The following HSCB variants were observed in gnomAD, a reference collection of about 807,000 sequenced individuals.
HSCB encodes HscB mitochondrial iron-sulfur cluster cochaperone.
A neutral mutation model predicts 31.3 loss-of-function variants in HSCB; 23 were observed. The observed-to-expected ratio is 0.74, with a 90% CI of 0.53 to 1.04. HSCB has a LOEUF of 1.04. Ranked by LOEUF, HSCB falls within the 50% of genes least tolerant of loss-of-function variation. The probability of loss-of-function intolerance (pLI) is 0.00; values close to 1 mark genes in which losing one functional copy is unlikely to be tolerated. For missense variants in HSCB, 297 were observed against 288.1 expected (o/e 1.03, Z -0.22); for synonymous variants, 110 against 104.5 (o/e 1.05, Z -0.32).
At chr22:28,749,617 A>G (rs2030082864) in intron 4 of HSCB, among the ~76,000 whole-genome samples, 1 of 152,176 alleles carries the variant, frequency 6.6e-6, no homozygotes. Flanking sequence ...GGAACTTGGT[A>G]TTTACTAAAT....
chr22:28,746,615 G>A (rs757127076), intron 4 of HSCB, among the ~76,000 whole-genome samples: 1 of 150,852 alleles, frequency 6.6e-6, no homozygotes, highest in Non-Finnish European at 1.5e-5. Flanking sequence ...TCAGCCAAGC[G>A]TAGGCCAGGT....
chr22:28,754,301 G>C (rs1410283158), intron 5 of HSCB, among the ~76,000 whole-genome samples: 1 of 152,150 alleles, frequency 6.6e-6, no homozygotes, highest in Non-Finnish European at 1.5e-5. Context: ...GGTGGTTGTG[G>C]GGGGATAGAG....
At chr22:28,750,144 G>A (rs2030112129) in intron 4 of HSCB, among the ~76,000 whole-genome samples, 1 of 149,560 alleles carries the variant, frequency 6.7e-6, no homozygotes, top group African/African-American at 2.5e-5. Flanking sequence ...AGCAACTTCA[G>A]AGGCTGAGGC....
intron 1 of HSCB, chr22:28,742,552 A>C: frequency 3.1e-6 from 2 of 653,086 alleles, no homozygotes; most frequent in Non-Finnish European, 2.4e-6. Context: ...AGGGAGACGA[A>C]CGGGACTGGA....
chr22:28,748,774 C>A (rs1004233409), intron 4 of HSCB, among the ~76,000 whole-genome samples: 7 of 152,106 alleles, frequency 4.6e-5, no homozygotes, highest in Non-Finnish European at 1.0e-4. Context: ...ATCTCAGCCT[C>A]CCAAAGTGCT....
intron 5 of HSCB, among the ~76,000 whole-genome samples, chr22:28,752,215 G>A (rs571289881): frequency 2.8e-4 from 42 of 151,918 alleles, no homozygotes; most frequent in Admixed American, 1.0e-3. Context: ...AGGCCGAGGC[G>A]GGTGGATCAA....
At position 28,743,987 on chromosome 22, in the gene HSCB, T is replaced by A; in HGVS notation, c.333+9T>A. ...TCAGCCAGAGGTCTCAGGTAGCTTA[T>A]TGGCCAACCCCAATAATCCCCAAAT... On this transcript the variant is annotated intron_variant, in intron 2 of 5. Coordinates refer to ENST00000216027, the MANE Select transcript of HSCB (RefSeq NM_172002.5). The A allele has an allele frequency of 2.5e-6, 4 of 1,599,058 alleles. No homozygotes were observed. The highest frequency in any genetic ancestry group is 3.4e-6 in the Non-Finnish European group (4 of 1,166,250).
intron 5 of HSCB, among the ~76,000 whole-genome samples, chr22:28,755,338 A>G (rs960328321): frequency 6.6e-6 from 1 of 151,806 alleles, no homozygotes; most frequent in African/African-American, 2.4e-5. Context: ...TGAACCGGGG[A>G]GGCAGAGTTT....
At chr22:28,742,381 G>A (rs963869425) in intron 1 of HSCB, 50 bp downstream of exon 1, 92 of 1,596,574 alleles carry the variant, frequency 5.8e-5, no homozygotes, top group East Asian at 1.1e-4. Flanking sequence ...ACACGTCGAG[G>A]TCTGGCCTGC....
chr22:28,748,512 G>T (rs4822987), intron 4 of HSCB, among the ~76,000 whole-genome samples: 50,335 of 150,362 alleles, frequency 0.33, 9,268 homozygotes, highest in East Asian at 0.61. Flanking sequence ...GTTTTTTTTT[G>T]TTGTTTTGTT....
chr22:28,755,778 T>C (rs1355291620), intron 5 of HSCB, among the ~76,000 whole-genome samples: 1 of 152,194 alleles, frequency 6.6e-6, no homozygotes, highest in East Asian at 1.9e-4. Context: ...CTACGGATAT[T>C]GTAAGCCAGA....
At chr22:28,744,327 A>G (rs1264570407) in intron 2 of HSCB, among the ~76,000 whole-genome samples, 1 of 152,186 alleles carries the variant, frequency 6.6e-6, no homozygotes, top group Non-Finnish European at 1.5e-5. Flanking sequence ...CGAGGCAGGC[A>G]GATCACTTGA....
chr22:28,753,576 C>T (rs1386762678), intron 5 of HSCB, among the ~76,000 whole-genome samples: 3 of 152,052 alleles, frequency 2.0e-5, no homozygotes, highest in Non-Finnish European at 4.4e-5. Context: ...CGGTGGCTCA[C>T]GCCTGTAATC....
At chr22:28,743,428 G>T (rs1490764489) in intron 1 of HSCB, among the ~76,000 whole-genome samples, 1 of 152,200 alleles carries the variant, frequency 6.6e-6, no homozygotes, top group Non-Finnish European at 1.5e-5. Context: ...CTGGGCCTAG[G>T]AGAAGGTTCA....
chr22:28,757,272 G>T lies in HSCB; in HGVS notation c.*103G>T, dbSNP rs2030670198. ...GAGGCTGAGGTGGGTGGATGACAAG[G>T]TCAGGAGTTCAAGACCAGCTTGGCC... On this transcript the variant is annotated 3_prime_UTR_variant, in exon 6 of 6. Coordinates refer to ENST00000216027, the MANE Select transcript of HSCB (RefSeq NM_172002.5). The T allele has an allele frequency of 1.3e-5, 8 of 604,582 alleles. No homozygotes were observed. The highest frequency in any genetic ancestry group is 1.2e-4 in the South Asian group (7 of 58,162). The allele number at this position is 604,582 out of a possible 1,614,324, so 37.5% of individuals were successfully genotyped here.
chr22:28,755,739 A>G (rs1198495227), intron 5 of HSCB, among the ~76,000 whole-genome samples: 1 of 152,100 alleles, frequency 6.6e-6, no homozygotes, highest in African/African-American at 2.4e-5. Context: ...TGTTTTACTT[A>G]TCTAAGTCAG....
chr22:28,750,276 A>C (rs1023497890), intron 4 of HSCB, among the ~76,000 whole-genome samples: 3 of 141,876 alleles, frequency 2.1e-5, no homozygotes, highest in South Asian at 2.4e-4. Context: ...AAAAAAAAAA[A>C]CACTTATTCT....
In HSCB at chr22:28,757,414, G is replaced by T. The variant is rs1421754999; in HGVS notation, c.*245G>T. On this transcript the variant is annotated 3_prime_UTR_variant, in exon 6 of 6. Transcript: ENST00000216027. ...GCAGGAGAATCGCTTAAACCCGTGAGGTGGAGGTTGCAGTGAGCAGAGATC... is the reference window on the plus strand; with the variant it reads ...GCAGGAGAATCGCTTAAACCCGTGATGTGGAGGTTGCAGTGAGCAGAGATC... 2.8e-6 allele frequency: 1 copy of T among 353,608 alleles called. No individual in the cohort carries two copies. Among genetic ancestry groups the T allele is most frequent in the Non-Finnish European group, 5.3e-6 (1 of 187,438 alleles). The allele number at this position is 353,608 out of a possible 1,614,324, so 21.9% of individuals were successfully genotyped here.
intron 4 of HSCB, among the ~76,000 whole-genome samples, chr22:28,749,033 C>T (rs1330077944): frequency 4.0e-5 from 6 of 151,520 alleles, no homozygotes; most frequent in Non-Finnish European, 7.4e-5. Context: ...CCCTGCTACT[C>T]GAGAGGCTGA....
Sources: allele counts gnomAD v4.1 joint callset (sites outside exome capture counted in the v4.1 genomes callset), GRCh38; gene constraint gnomAD v4.1.1; transcripts MANE v1.5; gene names NCBI Gene and HGNC (gene_info 2026-07-23, HGNC 2026-07-21).